CNN1: variants seen among roughly 807,000 people sequenced by gnomAD.
CNN1 encodes calponin 1, also known as calponin-1.
In CNN1, 21 loss-of-function variants were observed where a neutral mutation model predicts 35.3. The ratio of observed to expected loss-of-function variants is 0.60; its 90% CI spans 0.42 to 0.86. CNN1 has a LOEUF of 0.86. CNN1 is among the 40% of genes least tolerant of loss of function. CNN1 has a pLI of 0.00. For synonymous variants in CNN1, 164 were observed against 161.8 expected (o/e 1.01, Z -0.10); for missense variants, 314 against 400.8 (o/e 0.78, Z 1.85).
chr19:11,546,994 G>C (rs779891673), intron 4 of CNN1, 25 bp downstream of exon 4: 2 of 1,610,952 alleles, frequency 1.2e-6, no homozygotes, highest in South Asian at 2.2e-5. Flanking sequence ...AGGCTGGGCA[G>C]GGGGTGGTGG....
intron 2 of CNN1, 133 bp from the exon 3 acceptor site, chr19:11,546,542 G>T: frequency 1.2e-6 from 1 of 862,114 alleles, no homozygotes; most frequent in South Asian, 1.5e-5. Context: ...CACCATGTTG[G>T]CCAGGATAGT....
intron 1 of CNN1, chr19:11,540,096 G>A (rs1972426684): frequency 9.8e-7 from 1 of 1,016,500 alleles, no homozygotes; most frequent in Non-Finnish European, 1.2e-6. Context: ...CTAGGGGCTG[G>A]GAGCCTGGCT....
At chr19:11,540,560 T>G (rs1972438440) in intron 1 of CNN1, 1 of 153,012 alleles carries the variant, frequency 6.5e-6, no homozygotes, top group African/African-American at 2.4e-5. Flanking sequence ...CCCCCACCAC[T>G]AACCAGAGAC....
chr19:11,547,691 C>T, intron 4 of CNN1, 106 bp from the exon 5 acceptor site: 1 of 850,506 alleles, frequency 1.2e-6, no homozygotes. Flanking sequence ...CCAGCCTGGG[C>T]AACAGAGCGA....
chr19:11,549,201 T>G lies in CNN1; in HGVS notation c.502-122T>G. 1 of 1,052,476 alleles carries G rather than the reference T, an allele frequency of 9.5e-7. No individual in the cohort carries two copies. The highest frequency in any genetic ancestry group is 1.3e-6 in the Non-Finnish European group (1 of 768,900). 65.2% of individuals were successfully genotyped at this position (1,052,476 alleles called of 1,614,324 possible). A position where few individuals can be genotyped will look rare whatever the true frequency, so the allele number is the denominator to read the frequency against. ...AGACTCCGTCTCAAAAAAAAATAAA[T>G]AAAATAAAATAAAAATTGAAAAAAA... On this transcript the variant is annotated intron_variant, in intron 5 of 6. Transcript: ENST00000252456. This position sits in a 1 kb window ranked among gnomAD's most constrained non-coding sequence, Gnocchi z 5.2.
chr19:11,549,026 A>C lies in CNN1; in HGVS notation c.502-297A>C, dbSNP rs1441076233. Among the ~76,000 whole-genome samples, 1 of 150,098 alleles carries C rather than the reference A, an allele frequency of 6.7e-6. No individual in the cohort carries two copies. The highest frequency in any genetic ancestry group is 2.5e-5 in the African/African-American group (1 of 40,776). The stretch of plus-strand genomic sequence containing the variant: ...ACATGGTGAAACCCCATTTCTACTA[A>C]AAATACAAAAAATTATCCGGGCATG... On this transcript the variant is annotated intron_variant, in intron 5 of 6. Transcript: ENST00000252456. This position sits in a 1 kb window ranked among gnomAD's most constrained non-coding sequence, Gnocchi z 5.2.
intron 1 of CNN1, chr19:11,540,728 A>C: frequency 4.9e-6 from 1 of 202,622 alleles, no homozygotes; most frequent in Non-Finnish European, 1.0e-5. Context: ...GGGCAGGGCT[A>C]GAGGAAGAGA....
rs369516658 is a variant in CNN1, at chr19:11,547,952, G to A, written c.501+45G>A. 23 of 1,517,370 alleles carry A rather than the reference G, an allele frequency of 1.5e-5. No homozygotes were observed. The African/African-American group carries it at 2.9e-4, about 19-fold the overall frequency. The allele number at this position is 1,517,370 out of a possible 1,614,324, so 94.0% of individuals were successfully genotyped here. On this transcript the variant is annotated intron_variant, in intron 5 of 6. Coordinates refer to ENST00000252456, the MANE Select transcript of CNN1 (RefSeq NM_001299.6). Reference sequence around the variant, plus strand: ...GCGCAGAGGTCATAGAGGCCAGGAGGGCACCCTGATGTCTGAAGGCTTTTG... The same window carrying A: ...GCGCAGAGGTCATAGAGGCCAGGAGAGCACCCTGATGTCTGAAGGCTTTTG...
In CNN1 at chr19:11,546,920, A is replaced by G; in HGVS notation, c.341A>G (p.Asn114Ser). The change falls in exon 4 of 7, where the codon AAC (asparagine) becomes AGC (serine). Residue 114 changes from asparagine (N) to serine (S), a missense_variant. Physicochemically the swap from Asn to Ser is conservative, Grantham distance 46. Coordinates refer to ENST00000252456, the MANE Select transcript of CNN1 (RefSeq NM_001299.6). Reference sequence around the variant, plus strand: ...TTTGAGGCCAACGACCTGTTTGAGAACACCAACCATACACAGGTGCAGTCC... The same window carrying G: ...TTTGAGGCCAACGACCTGTTTGAGAGCACCAACCATACACAGGTGCAGTCC... ...DIFEANDLFE[N>S]TNHTQVQSTL... The G allele has an allele frequency of 6.2e-7, 1 of 1,614,182 alleles. No individual in the cohort carries two copies. The highest frequency in any genetic ancestry group is 8.5e-7 in the Non-Finnish European group (1 of 1,180,034).
rs1011510824 is a variant in CNN1 at position 11,550,157 on chromosome 19, C to G, written c.*362C>G. On this transcript the variant is annotated 3_prime_UTR_variant, in exon 7 of 7. Coordinates refer to ENST00000252456, the MANE Select transcript of CNN1 (RefSeq NM_001299.6). ...GAGCCCAGGCTCGGCCTGCCCCCAC[C>G]CCATTCCCGCAGTGGGAGCAAACTG... 2.1e-5 allele frequency: 5 copies of G among 238,032 alleles called. No homozygotes were observed. Among genetic ancestry groups the G allele is most frequent in the Non-Finnish European group, 4.1e-5 (5 of 123,134 alleles). 14.7% of individuals were successfully genotyped at this position (238,032 alleles called of 1,614,324 possible).
Position 11,549,802 on chromosome 19 carries a change from A to G in CNN1, c.*7A>G. ...CTACTACAATTCCGCCTAGGGCCAC[A>G]AGGCCTTCCCTGTTTTCCCCCCAAG... On this transcript the variant is annotated 3_prime_UTR_variant, in exon 7 of 7. Coordinates refer to ENST00000252456, the MANE Select transcript of CNN1 (RefSeq NM_001299.6). The surrounding 1 kb of genome is among the most constrained non-coding windows in gnomAD (Gnocchi z 5.2). 3.1e-6 allele frequency: 5 copies of G among 1,593,980 alleles called. No individual in the cohort carries two copies. Among genetic ancestry groups the G allele is most frequent in the Non-Finnish European group, 4.3e-6 (5 of 1,166,022 alleles).
chr19:11,543,741 C>G (rs1300144727), intron 2 of CNN1, among the ~76,000 whole-genome samples: 1 of 149,102 alleles, frequency 6.7e-6, no homozygotes, highest in African/African-American at 2.5e-5. Context: ...CGAGATCCCA[C>G]CACTGCACTC....
rs1045662 is a variant in CNN1, at chr19:11,549,797, G to T, written c.*2G>T. The T allele has an allele frequency of 6.3e-7, 1 of 1,595,918 alleles. No individual in the cohort carries two copies. The highest frequency in any genetic ancestry group is 1.1e-5 in the South Asian group (1 of 89,550). The stretch of plus-strand genomic sequence containing the variant: ...CACAACTACTACAATTCCGCCTAGG[G>T]CCACAAGGCCTTCCCTGTTTTCCCC... On this transcript the variant is annotated 3_prime_UTR_variant, in exon 7 of 7. Coordinates refer to ENST00000252456, the MANE Select transcript of CNN1 (RefSeq NM_001299.6). The surrounding 1 kb of genome is among the most constrained non-coding windows in gnomAD (Gnocchi z 5.2).
chr19:11,549,481 C>A lies in CNN1; in HGVS notation c.648+12C>A, dbSNP rs1490278286. On this transcript the variant is annotated intron_variant, in intron 6 of 6. Transcript: ENST00000252456. This position sits in a 1 kb window ranked among gnomAD's most constrained non-coding sequence, Gnocchi z 5.2. ...AAGGAGCCAGCCAGGTGAGTGGGGGCCCCCGGGACACGCCGTCAAGGCCCA... is the reference window on the plus strand; with the variant it reads ...AAGGAGCCAGCCAGGTGAGTGGGGGACCCCGGGACACGCCGTCAAGGCCCA... The A allele has an allele frequency of 4.3e-6, 7 of 1,612,292 alleles. No individual in the cohort carries two copies. Among genetic ancestry groups the A allele is most frequent in the African/African-American group, 1.3e-5 (1 of 74,998 alleles).
chr19:11,540,909 G>A (rs979960931), intron 1 of CNN1, among the ~76,000 whole-genome samples, 167 bp from the exon 2 acceptor site: 8 of 151,942 alleles, frequency 5.3e-5, no homozygotes, highest in African/African-American at 1.9e-4. Context: ...CTCTCAGCCC[G>A]CCCCAGCCCC....
intron 1 of CNN1, 51 bp from the exon 2 acceptor site, chr19:11,541,025 C>G (rs778051642): frequency 6.5e-7 from 1 of 1,532,182 alleles, no homozygotes; most frequent in Non-Finnish European, 8.8e-7. Context: ...AGGCTGCCCC[C>G]AATGCATCCT....
intron 2 of CNN1, among the ~76,000 whole-genome samples, chr19:11,543,441 A>C (rs1314750096): frequency 2.7e-5 from 4 of 150,642 alleles, no homozygotes; most frequent in Non-Finnish European, 5.9e-5. Flanking sequence ...CACGTTGTGC[A>C]TGTGTACCCT....
At position 11,541,212 on chromosome 19, in the gene CNN1, C is replaced by G. The variant is rs545476529; in HGVS notation, c.185+15C>G. The G allele has an allele frequency of 1.3e-6, 2 of 1,544,352 alleles. No homozygotes were observed. The highest frequency in any genetic ancestry group is 1.2e-5 in the South Asian group (1 of 80,758). On this transcript the variant is annotated intron_variant, in intron 2 of 6. Transcript: ENST00000252456. ...ATTCTTTGCGAGTGAGTGAGGCTCT[C>G]GAAGCCGAGACCCTGCAACATCCCC...
intron 2 of CNN1, among the ~76,000 whole-genome samples, chr19:11,545,745 A>C (rs970043917): frequency 2.0e-5 from 3 of 148,652 alleles, no homozygotes; most frequent in African/African-American, 7.5e-5. Context: ...GCTTGAGCCC[A>C]GGAGTTCAAG....
Sources: allele counts gnomAD v4.1 joint callset (sites outside exome capture counted in the v4.1 genomes callset), GRCh38; gene constraint gnomAD v4.1.1; non-coding constraint Gnocchi (gnomAD v3.1); transcripts MANE v1.5; gene names NCBI Gene and HGNC (gene_info 2026-07-23, HGNC 2026-07-21).